The following PCDH15 variants were observed in gnomAD, a reference collection of about 807,000 sequenced individuals.
PCDH15 encodes the protein protocadherin related 15.
Under a neutral mutation model 178.5 loss-of-function variants are expected in PCDH15, and 129 were observed. That is an observed-to-expected ratio of 0.72 (90% CI 0.63 to 0.84). The LOEUF (loss-of-function observed/expected upper bound fraction) is 0.84. PCDH15 is among the 40% of genes least tolerant of loss of function. The probability of loss-of-function intolerance (pLI) is 0.00; values close to 1 mark genes in which losing one functional copy is unlikely to be tolerated. For synonymous variants in PCDH15, 800 were observed against 732.0 expected, an observed-to-expected ratio of 1.09 and a Z score of -1.50; for missense variants, 2,230 against 2,099.9, an observed-to-expected ratio of 1.06 and a Z score of -1.21.
At chr10:54,091,503 C>G (rs1312940892) in intron 15 of PCDH15, among the ~76,000 whole-genome samples, 3 of 152,202 alleles carry the variant, frequency 2.0e-5, no homozygotes, top group Non-Finnish European at 4.4e-5. Flanking sequence ...ATTACACAGT[C>G]CTGCTCACAG....
At chr10:55,620,419 C>T (rs1843567667) in intron 2 of PCDH15, among the ~76,000 whole-genome samples, 1 of 151,860 alleles carries the variant, frequency 6.6e-6, no homozygotes, top group South Asian at 2.1e-4. Flanking sequence ...ACAAAATGGT[C>T]AGCAAGAATA....
At chr10:54,509,199 C>T (rs897923033) in intron 3 of PCDH15, among the ~76,000 whole-genome samples, 14 of 152,052 alleles carry the variant, frequency 9.2e-5, no homozygotes, top group African/African-American at 2.9e-4. Flanking sequence ...ACCGAAACCT[C>T]ATCTTGAATT....
intron 2 of PCDH15, among the ~76,000 whole-genome samples, chr10:54,593,989 T>C (rs567954166): frequency 7.3e-5 from 11 of 151,212 alleles, no homozygotes; most frequent in African/African-American, 1.9e-4. Flanking sequence ...TGAGAGCAGA[T>C]AGAGAGAAGA....
At chr10:55,578,544 A>G (rs1842541421) in intron 2 of PCDH15, among the ~76,000 whole-genome samples, 1 of 152,134 alleles carries the variant, frequency 6.6e-6, no homozygotes, top group South Asian at 2.1e-4. Flanking sequence ...TAAAGTGATA[A>G]TTCCCAATGT....
chr10:54,144,583 G>A (rs990707087), intron 14 of PCDH15, among the ~76,000 whole-genome samples: 6 of 151,998 alleles, frequency 3.9e-5, no homozygotes, highest in East Asian at 1.9e-4. Context: ...TTAGTTGGTC[G>A]GGAGGATGGA....
chr10:55,546,987 GA>G (rs1841897129), intron 2 of PCDH15, among the ~76,000 whole-genome samples: 1 of 151,910 alleles, frequency 6.6e-6, no homozygotes, highest in African/African-American at 2.4e-5. Context: ...AAAAGAATCC[GA>G]AAGTAGTGTA....
Position 54,369,122 on chromosome 10 carries a change from C to T in PCDH15, c.472G>A (p.Glu158Lys). The T allele has an allele frequency of 1.9e-6, 3 of 1,612,696 alleles. No homozygotes were observed. Among genetic ancestry groups the T allele is most frequent in the East Asian group, 4.5e-5 (2 of 44,808 alleles). ...KHESYYATVNELTPVGTTIFT... is the reference protein window; with the variant it reads ...KHESYYATVNKLTPVGTTIFT... ...AGAGAGAGTAAATAGAAACTGACCT[C>T]ATTCACTGTGGCATAGTAGCTTTCA... Residue 158 changes from glutamate (E) to lysine (K), a missense_variant and splice_region_variant, in exon 5 of 38, where the codon GAG (glutamate) becomes AAG (lysine). Transcript: ENST00000644397.
chr10:53,810,539 A>C lies in PCDH15; in HGVS notation c.4671+17T>G, dbSNP rs2132384738. 2 of 1,598,710 alleles carry C rather than the reference A, an allele frequency of 1.3e-6. No individual in the cohort carries two copies. Among genetic ancestry groups the C allele is most frequent in the Non-Finnish European group, 1.7e-6 (2 of 1,166,790 alleles). On this transcript the variant is annotated intron_variant, in intron 37 of 37. Transcript: ENST00000644397. The stretch of plus-strand genomic sequence containing the variant: ...TTCTTGGAATATTATCTTACATAAT[A>C]AAATTACAGTAATTACCTCTTCCTC...
intron 2 of PCDH15, among the ~76,000 whole-genome samples, chr10:54,533,468 T>C (rs1226882397): frequency 6.6e-6 from 1 of 152,074 alleles, no homozygotes; most frequent in African/African-American, 2.4e-5. Context: ...CTCACAATAA[T>C]AGACAAAGTA....
intron 2 of PCDH15, among the ~76,000 whole-genome samples, chr10:55,382,236 A>G (rs886618836): frequency 2.0e-5 from 3 of 152,162 alleles, no homozygotes; most frequent in Admixed American, 6.5e-5. Context: ...GGTAGGCAGA[A>G]TAATGGTCCC....
intron 8 of PCDH15, among the ~76,000 whole-genome samples, chr10:54,288,923 A>G (rs546438509): frequency 9.2e-5 from 14 of 152,342 alleles, no homozygotes; most frequent in African/African-American, 3.4e-4. Context: ...TAGACTCCAC[A>G]TATTTGGGCA....
intron 2 of PCDH15, among the ~76,000 whole-genome samples, chr10:55,028,513 C>T (rs1039937876): frequency 1.3e-5 from 2 of 151,928 alleles, no homozygotes; most frequent in East Asian, 3.9e-4. Flanking sequence ...AATTCAATAA[C>T]ATATCGTGAC....
chr10:53,844,151 C>T (rs1235887156), intron 28 of PCDH15, among the ~76,000 whole-genome samples: 1 of 151,982 alleles, frequency 6.6e-6, no homozygotes, highest in Non-Finnish European at 1.5e-5. Flanking sequence ...GAGCAGATCA[C>T]GTGGGGACTT....
chr10:54,069,436 GGAT>G (rs1743362969), intron 17 of PCDH15, among the ~76,000 whole-genome samples: 1 of 152,052 alleles, frequency 6.6e-6, no homozygotes, highest in African/African-American at 2.4e-5. Context: ...TGCTAATAGG[GGAT>G]GATATTTATG....
At chr10:55,515,038 G>A (rs912154412) in intron 2 of PCDH15, among the ~76,000 whole-genome samples, 1 of 144,364 alleles carries the variant, frequency 6.9e-6, no homozygotes, top group African/African-American at 2.6e-5. Flanking sequence ...CACCCGGGCT[G>A]GAGTGCAGTG....
At chr10:54,983,864 C>T (rs1219527) in intron 2 of PCDH15, among the ~76,000 whole-genome samples, 49,227 of 151,906 alleles carry the variant, frequency 0.32, 8,912 homozygotes, top group African/African-American at 0.48. Context: ...CTCTGTACCT[C>T]CTCCCCATTC....
chr10:53,909,085 G>A (rs1005392848), intron 25 of PCDH15, among the ~76,000 whole-genome samples: 8 of 152,266 alleles, frequency 5.3e-5, no homozygotes, highest in African/African-American at 1.2e-4. Flanking sequence ...ACGTATCGAC[G>A]GAAGAACCTG....
intron 3 of PCDH15, among the ~76,000 whole-genome samples, chr10:54,498,464 T>G (rs112084480): frequency 0.032 from 4,885 of 152,166 alleles, 89 homozygotes; most frequent in South Asian, 0.037. Context: ...AATATTGACC[T>G]TGGATGTAAA....
intron 2 of PCDH15, among the ~76,000 whole-genome samples, chr10:55,125,921 A>C (rs1471774901): frequency 6.6e-6 from 1 of 152,080 alleles, no homozygotes; most frequent in Non-Finnish European, 1.5e-5. Flanking sequence ...TATTGGCTAA[A>C]CGGTGTTCTT....
Sources: allele counts gnomAD v4.1 joint callset (sites outside exome capture counted in the v4.1 genomes callset), GRCh38; gene constraint gnomAD v4.1.1; transcripts MANE v1.5; gene names NCBI Gene and HGNC (gene_info 2026-07-23, HGNC 2026-07-21).